LRRK2: variants seen among roughly 807,000 people sequenced by gnomAD.
The protein encoded by LRRK2 is leucine-rich repeat serine/threonine-protein kinase 2.
A neutral mutation model predicts 302.6 loss-of-function variants in LRRK2; 203 were observed. The ratio of observed to expected loss-of-function variants is 0.67; its 90% CI spans 0.60 to 0.75. The LOEUF is 0.75. Ranked by LOEUF, LRRK2 falls within the 30% of genes least tolerant of loss-of-function variation. The pLI is 0.00. For missense variants in LRRK2, 2,830 were observed against 2,951.0 expected (o/e 0.96, Z 0.95); for synonymous variants, 1,066 against 1,031.9 (o/e 1.03, Z -0.63).
chr12:40,243,391 T>C (rs1941825280), intron 6 of LRRK2, among the ~76,000 whole-genome samples, 159 bp from the exon 7 acceptor site: 1 of 152,156 alleles, frequency 6.6e-6, no homozygotes. Flanking sequence ...ATGAACAGCA[T>C]AGTATTTTTT....
rs147654803 is a variant in LRRK2 at position 40,345,701 on chromosome 12, A to G, written c.6110-1052A>G. On this transcript the variant is annotated intron_variant, in intron 41 of 50. Coordinates refer to ENST00000298910, the MANE Select transcript of LRRK2 (RefSeq NM_198578.4). ...ACTCATATACCCGACGCATAAATTC[A>G]TTGATTATTTACTTTTTGCCCTACT... 8.6e-5 allele frequency among the ~76,000 whole-genome samples: 13 copies of G among 151,110 alleles called. No homozygotes were observed. The East Asian group carries it at 2.5e-3, about 29-fold the overall frequency.
intron 20 of LRRK2, among the ~76,000 whole-genome samples, chr12:40,290,861 T>G (rs1280436041): frequency 6.6e-6 from 1 of 152,090 alleles, no homozygotes; most frequent in Non-Finnish European, 1.5e-5. Context: ...ATTGACTCTT[T>G]TTATAGATTC....
intron 19 of LRRK2, among the ~76,000 whole-genome samples, chr12:40,285,452 G>A (rs17466150): frequency 0.12 from 18,261 of 151,730 alleles, 1,177 homozygotes; most frequent in South Asian, 0.15. Flanking sequence ...ATGTTGATAA[G>A]CATGTGTGGA....
rs34410987 is a variant in LRRK2 at position 40,283,897 on chromosome 12, C to T, written c.2264C>T (p.Pro755Leu). 395 of 1,612,866 alleles carry T rather than the reference C, an allele frequency of 2.4e-4. 1 individual carries two copies. The East Asian group carries it at 6.2e-3, about 26-fold the overall frequency. The change falls in exon 19 of 51, where the codon CCC becomes CTC. Residue 755 changes from proline (P) to leucine (L), a missense_variant. Coordinates refer to ENST00000298910, the MANE Select transcript of LRRK2 (RefSeq NM_198578.4). Reference sequence around the variant, plus strand: ...TAGGTATGTGAGAAAGAGAGCAGTCCCAAATTGGTGGAACTCTTACTGAAT... The same window carrying T: ...TAGGTATGTGAGAAAGAGAGCAGTCTCAAATTGGTGGAACTCTTACTGAAT... Reference protein sequence around the residue: ...ICQVCEKESSPKLVELLLNSG... With the variant: ...ICQVCEKESSLKLVELLLNSG...
In LRRK2 at chr12:40,225,664, A is replaced by C. The variant is rs755218669; in HGVS notation, c.237+24A>C. ...AGGTAAAGGCATTGTTTTCACTTCA[A>C]CTCATTCTCCCTTCTGTTTGGAAGG... is the stretch of plus-strand genomic sequence containing the variant. On this transcript the variant is annotated intron_variant, in intron 2 of 50. Transcript: ENST00000298910. 15 of 1,579,902 alleles carry C rather than the reference A, an allele frequency of 9.5e-6. No homozygotes were observed. The South Asian group carries it at 1.3e-4, about 14-fold the overall frequency.
chr12:40,225,026 G>A lies in LRRK2; in HGVS notation c.-106G>A. 1 of 1,449,476 alleles carries A rather than the reference G, an allele frequency of 6.9e-7. No homozygotes were observed. 89.8% of individuals were successfully genotyped at this position (1,449,476 alleles called of 1,614,324 possible). The stretch of plus-strand genomic sequence containing the variant: ...CCCGCGGGGAGCGCTGGCTGCGGGC[G>A]GTGAGCTGAGCTCGCCCCCGGGGAG... On this transcript the variant is annotated 5_prime_UTR_variant, in exon 1 of 51. Transcript: ENST00000298910.
At chr12:40,353,761 C>T (rs1353435885) in intron 44 of LRRK2, among the ~76,000 whole-genome samples, 2 of 152,272 alleles carry the variant, frequency 1.3e-5, no homozygotes, top group East Asian at 1.9e-4. Context: ...GCTGGCAGAT[C>T]ACTCGCGGTT....
rs534186648 is a variant in LRRK2, at chr12:40,302,200, A to G, written c.3497-589A>G. ...CTCAAATAACAATAATAATAATAAA[A>G]TAATAAAAAATAAAAAAATCATAAA... On this transcript the variant is annotated intron_variant, in intron 25 of 50. Transcript: ENST00000298910. 8.2e-3 allele frequency among the ~76,000 whole-genome samples: 1,254 copies of G among 152,136 alleles called. 8 individuals are homozygous for G. Among genetic ancestry groups the G allele is most frequent in the Non-Finnish European group, 0.014 (959 of 67,976 alleles).
chr12:40,273,789 T>G (rs1199754435), intron 14 of LRRK2, among the ~76,000 whole-genome samples: 2 of 152,134 alleles, frequency 1.3e-5, no homozygotes, highest in Non-Finnish European at 2.9e-5. Context: ...GTATTGCTTG[T>G]GTGTGAAAAG....
intron 41 of LRRK2, among the ~76,000 whole-genome samples, chr12:40,342,492 T>TC (rs397837938): frequency 6.6e-6 from 1 of 151,500 alleles, no homozygotes; most frequent in African/African-American, 2.4e-5. Flanking sequence ...TTTTTTTTTT[T>TC]CTGGCTGTAA....
chr12:40,313,925 A>T, intron 31 of LRRK2, 47 bp from the exon 32 acceptor site: 1 of 1,551,212 alleles, frequency 6.4e-7, no homozygotes, highest in Non-Finnish European at 8.8e-7. Context: ...TTTGACAAAT[A>T]CACAAATAAA....
chr12:40,286,651 C>T (rs767384407), intron 19 of LRRK2: 4 of 152,118 alleles, frequency 2.6e-5, no homozygotes, highest in Non-Finnish European at 4.4e-5. Context: ...GGATATTGTA[C>T]TACATGATAC....
chr12:40,275,582 G>A (rs1943418420), intron 16 of LRRK2, among the ~76,000 whole-genome samples: 2 of 151,626 alleles, frequency 1.3e-5, no homozygotes, highest in Non-Finnish European at 2.9e-5. Flanking sequence ...CTTGGTTGTG[G>A]AGTTTGCAAC....
chr12:40,337,063 T>C (rs1264586613), intron 40 of LRRK2, among the ~76,000 whole-genome samples: 1 of 152,258 alleles, frequency 6.6e-6, no homozygotes. Context: ...GCCTAATTTG[T>C]TCTTAGCATA....
At chr12:40,252,656 T>C (rs535105529) in intron 10 of LRRK2, among the ~76,000 whole-genome samples, 1 of 152,306 alleles carries the variant, frequency 6.6e-6, no homozygotes, top group East Asian at 1.9e-4. Flanking sequence ...AGCATCTCTT[T>C]ACATATCTGC....
intron 5 of LRRK2, among the ~76,000 whole-genome samples, chr12:40,238,770 G>T (rs575985751): frequency 6.6e-6 from 1 of 152,306 alleles, no homozygotes; most frequent in South Asian, 2.1e-4. Context: ...AATGATTTAT[G>T]TGGGCCCTGT....
chr12:40,283,727 C>G (rs1356604231), intron 18 of LRRK2, 148 bp from the exon 19 acceptor site: 1 of 632,712 alleles, frequency 1.6e-6, no homozygotes, highest in Non-Finnish European at 2.7e-6. Flanking sequence ...TTTTCCCAAT[C>G]TATTCAAGGA....
chr12:40,280,247 C>T (rs1392911850), intron 18 of LRRK2, among the ~76,000 whole-genome samples: 2 of 150,832 alleles, frequency 1.3e-5, no homozygotes, highest in East Asian at 2.0e-4. Context: ...GCCAGGAGTT[C>T]GAGACCAACT....
intron 4 of LRRK2, among the ~76,000 whole-genome samples, chr12:40,237,083 C>T (rs1941501028): frequency 6.6e-6 from 1 of 151,774 alleles, no homozygotes; most frequent in African/African-American, 2.4e-5. Flanking sequence ...AAGAGTGTGA[C>T]ATGCAGTTAG....
Sources: allele counts gnomAD v4.1 joint callset (sites outside exome capture counted in the v4.1 genomes callset), GRCh38; gene constraint gnomAD v4.1.1; transcripts MANE v1.5; gene names NCBI Gene and HGNC (gene_info 2026-07-23, HGNC 2026-07-21).